Variants in CEACAM18 observed in about 807,000 individuals in gnomAD.
The protein encoded by CEACAM18 is CEA cell adhesion molecule 18.
CEACAM18 carries 33 observed loss-of-function variants against 34.3 expected under a neutral mutation model. That is an observed-to-expected ratio of 0.96 (90% confidence interval 0.73 to 1.29). The LOEUF (loss-of-function observed/expected upper bound fraction) is 1.29, where lower values mean the gene tolerates loss of function less well. CEACAM18 is among the 50% of genes most tolerant of loss of function. The pLI is 0.00. For missense variants in CEACAM18, 474 were observed against 485.0 expected (o/e 0.98, Z 0.21); for synonymous variants, 169 against 180.9 (o/e 0.93, Z 0.53).
intron 4 of CEACAM18, 77 bp from the exon 5 acceptor site, chr19:51,484,910 G>T (rs965491105): frequency 3.4e-6 from 5 of 1,484,452 alleles, no homozygotes; most frequent in Middle Eastern, 3.4e-4. Context: ...GAATGGATAT[G>T]TGGGTGGGTG....
intron 3 of CEACAM18, 83 bp from the exon 4 acceptor site, chr19:51,482,934 C>A: frequency 6.5e-7 from 1 of 1,539,522 alleles, no homozygotes; most frequent in African/African-American, 1.4e-5. Flanking sequence ...CAATGGGGAA[C>A]CTCCTGGCTG....
intron 4 of CEACAM18, among the ~76,000 whole-genome samples, chr19:51,484,386 CA>C (rs1470787103): frequency 2.6e-5 from 4 of 151,462 alleles, no homozygotes; most frequent in Admixed American, 6.6e-5. Flanking sequence ...AATCTCTGCT[CA>C]CTGCAACCTG....
chr19:51,485,033 G>T, exon 5 of CEACAM18: 1 of 1,536,098 alleles, frequency 6.5e-7, no homozygotes, highest in Non-Finnish European at 8.7e-7. Flanking sequence ...CAGGATCCAT[G>T]GTGATGTTCC....
At chr19:51,482,958 T>A in intron 3 of CEACAM18, 59 bp from the exon 4 acceptor site, 1 of 1,581,744 alleles carries the variant, frequency 6.3e-7, no homozygotes, top group Non-Finnish European at 8.6e-7. Context: ...GAGGACTTCA[T>A]GAGACGGGAC....
rs529173718 is a variant in CEACAM18 at position 51,481,720 on chromosome 19, G to A, written c.673+55G>A. ...CCAGGGCTGGTCTCAGGGCTTTCTA[G>A]GGATAGGAATATGTTAGGACAGGCT... On this transcript the variant is annotated intron_variant, in intron 3 of 5. Transcript: ENST00000396477. 1.1e-5 allele frequency: 17 copies of A among 1,553,116 alleles called. 1 individual carries two copies. The South Asian group carries it at 1.7e-4, about 16-fold the overall frequency.
intron 4 of CEACAM18, 200 bp downstream of exon 4, chr19:51,483,496 C>T: frequency 1.6e-6 from 1 of 635,238 alleles, no homozygotes. Context: ...AGATCAGAGT[C>T]AGGGTGACTC....
chr19:51,485,799 G>A (rs2051735477), intron 5 of CEACAM18, among the ~76,000 whole-genome samples: 1 of 152,222 alleles, frequency 6.6e-6, no homozygotes, highest in Non-Finnish European at 1.5e-5. Flanking sequence ...GAGGTAGTAA[G>A]GCTGTCCTGT....
At chr19:51,488,866 C>G (rs963103908) in intron 5 of CEACAM18, among the ~76,000 whole-genome samples, 1 of 152,024 alleles carries the variant, frequency 6.6e-6, no homozygotes, top group Non-Finnish European at 1.5e-5. Context: ...GTGGGCCCTC[C>G]TCTAGAAAAA....
At chr19:51,480,825 G>A in intron 2 of CEACAM18, 145 bp downstream of exon 2, 1 of 731,386 alleles carries the variant, frequency 1.4e-6, no homozygotes, top group Non-Finnish European at 2.2e-6. Flanking sequence ...ACAGCTCCTG[G>A]GGGATCTGAG....
chr19:51,483,811 G>A (rs1321787501), intron 4 of CEACAM18, among the ~76,000 whole-genome samples: 4 of 152,242 alleles, frequency 2.6e-5, no homozygotes, highest in South Asian at 4.1e-4. Flanking sequence ...TGGACGGGGA[G>A]TAGAGATTTG....
chr19:51,483,500 G>A (rs1989952752), intron 4 of CEACAM18: 2 of 631,526 alleles, frequency 3.2e-6, no homozygotes, highest in Admixed American at 2.8e-5. Flanking sequence ...CAGAGTCAGG[G>A]TGACTCCCAG....
intron 5 of CEACAM18, 49 bp from the exon 6 acceptor site, chr19:51,490,538 G>A (rs1990073560): frequency 2.9e-5 from 36 of 1,231,140 alleles, no homozygotes; most frequent in Non-Finnish European, 3.4e-5. Flanking sequence ...ACTCTCCCAT[G>A]TTTCTTAGGG....
chr19:51,487,716 C>G (rs905438122), intron 5 of CEACAM18, among the ~76,000 whole-genome samples: 5 of 151,086 alleles, frequency 3.3e-5, no homozygotes, highest in Non-Finnish European at 7.4e-5. Flanking sequence ...AGTTCAAGTG[C>G]AGGTTGCAGT....
intron 5 of CEACAM18, among the ~76,000 whole-genome samples, 173 bp downstream of exon 5, chr19:51,485,295 G>C (rs1568524932): frequency 6.6e-6 from 1 of 152,168 alleles, no homozygotes; most frequent in Non-Finnish European, 1.5e-5. Flanking sequence ...GAAGCTGATG[G>C]GAGCAAGAGA....
Position 51,483,872 on chromosome 19 carries a change from G to A in CEACAM18, c.953+576G>A, listed in dbSNP as rs182638821. The stretch of plus-strand genomic sequence containing the variant: ...GCTTGGGAGTGAATTTGTAAATGGG[G>A]AAAGCATCTTCTTAGCAACCATGCG... On this transcript the variant is annotated intron_variant, in intron 4 of 5. Transcript: ENST00000396477. 3.5e-3 allele frequency among the ~76,000 whole-genome samples: 531 copies of A among 152,328 alleles called. 1 individual carries two copies. Among genetic ancestry groups the A allele is most frequent in the African/African-American group, 0.012 (497 of 41,576 alleles).
At chr19:51,486,215 A>G (rs77604803) in intron 5 of CEACAM18, among the ~76,000 whole-genome samples, 11,472 of 152,030 alleles carry the variant, frequency 0.075, 506 homozygotes, top group African/African-American at 0.12. Context: ...TGATGATGAC[A>G]ATGGTGATGA....
At chr19:51,491,172 C>T (rs527578909), downstream of CEACAM18, among the ~76,000 whole-genome samples, 14 of 151,824 alleles carry the variant, frequency 9.2e-5, no homozygotes, top group African/African-American at 3.4e-4. Flanking sequence ...GTGGAACCAT[C>T]GTCAGCATGA....
Position 51,481,287 on chromosome 19 carries a change from C to T in CEACAM18, c.401-106C>T, listed in dbSNP as rs368616766. On this transcript the variant is annotated intron_variant, in intron 2 of 5. Transcript: ENST00000396477. Reference sequence around the variant, plus strand: ...TGCCAGGATGCCAGATCTTATCTTACAGCTCTTGGCTTCTCTCCAACATGC... The same window carrying T: ...TGCCAGGATGCCAGATCTTATCTTATAGCTCTTGGCTTCTCTCCAACATGC... 1.2e-5 allele frequency: 15 copies of T among 1,226,328 alleles called. No homozygotes were observed. The African/African-American group carries it at 1.4e-4, about 11-fold the overall frequency. The allele number at this position is 1,226,328 out of a possible 1,614,324, so 76.0% of individuals were successfully genotyped here. A position where few individuals can be genotyped will look rare whatever the true frequency, so the allele number is the denominator to read the frequency against.
rs150337897 is a variant in CEACAM18, at chr19:51,479,014, C to T, written c.52+320C>T. ...GAGAGAGAAACTGTGTTTCTATCTACGCCCAGGAATCAGGAGCTTGGACCT... is the reference window on the plus strand; with the variant it reads ...GAGAGAGAAACTGTGTTTCTATCTATGCCCAGGAATCAGGAGCTTGGACCT... On this transcript the variant is annotated intron_variant, in intron 1 of 5. Transcript: ENST00000396477. 2.0e-3 allele frequency among the ~76,000 whole-genome samples: 298 copies of T among 152,098 alleles called. 3 individuals are homozygous for T. In the East Asian group the frequency reaches 0.032, roughly 16 times the overall value.
Sources: allele counts gnomAD v4.1 joint callset (sites outside exome capture counted in the v4.1 genomes callset), GRCh38; gene constraint gnomAD v4.1.1; transcripts MANE v1.5; gene names NCBI Gene and HGNC (gene_info 2026-07-23, HGNC 2026-07-21).